Variants in FAM135B observed in about 807,000 individuals in gnomAD.
The protein encoded by FAM135B is family with sequence similarity 135 member B, also known as protein FAM135B.
A neutral mutation model predicts 127.7 loss-of-function variants in FAM135B; 43 were observed. That is an observed-to-expected ratio of 0.34 (90% CI 0.26 to 0.43). FAM135B has a LOEUF of 0.43. FAM135B is among the 20% of genes least tolerant of loss of function. The pLI is 1.00. For synonymous variants in FAM135B, 670 were observed against 665.1 expected, an observed-to-expected ratio of 1.01 and a Z score of -0.11; for missense variants, 1,558 against 1,725.6, an observed-to-expected ratio of 0.90 and a Z score of 1.72.
Position 138,222,616 on chromosome 8 carries a change from T to G in FAM135B, c.669+20326A>C, listed in dbSNP as rs560613776. On this transcript the variant is annotated intron_variant, in intron 7 of 19. Transcript: ENST00000395297. ...CAAAGACAAAAGCTAGTAAGTAGAA[T>G]AGTTATATTTAGATGTGGTGGGGTT... Among the ~76,000 whole-genome samples, 74 of 151,686 alleles carry G rather than the reference T, an allele frequency of 4.9e-4. 1 individual carries two copies. The highest frequency in any genetic ancestry group is 1.2e-4 in the Non-Finnish European group (8 of 67,974).
Position 138,242,061 on chromosome 8 carries a change from G to C in FAM135B, c.669+881C>G, listed in dbSNP as rs1355114885. 6.6e-6 allele frequency among the ~76,000 whole-genome samples: 1 copy of C among 152,038 alleles called. No individual in the cohort carries two copies. The highest frequency in any genetic ancestry group is 1.5e-5 in the Non-Finnish European group (1 of 68,020). On this transcript the variant is annotated intron_variant, in intron 7 of 19. Transcript: ENST00000395297. The surrounding 1 kb of genome is among the most constrained non-coding windows in gnomAD (Gnocchi z 9.6). ...TTCTGAGGCCTTTAGCCTTGGACTG[G>C]AATGATACCACCTGCACTCTTGGGT...
chr8:138,267,748 T>A (rs77224030), intron 3 of FAM135B, among the ~76,000 whole-genome samples: 3,431 of 152,282 alleles, frequency 0.023, 134 homozygotes, highest in African/African-American at 0.078. Context: ...ATACAAAATA[T>A]GTAAAATGCC....
chr8:138,487,339 C>T (rs936162303), intron 1 of FAM135B, among the ~76,000 whole-genome samples: 4 of 152,102 alleles, frequency 2.6e-5, no homozygotes, highest in African/African-American at 9.7e-5. Flanking sequence ...TCCCGCCAGC[C>T]CCCATGGGAC....
chr8:138,140,866 G>A (rs1301632077), intron 17 of FAM135B, among the ~76,000 whole-genome samples: 1 of 152,118 alleles, frequency 6.6e-6, no homozygotes, highest in Non-Finnish European at 1.5e-5. Context: ...CTTAACCACA[G>A]GTTTGTCATG....
chr8:138,418,391 T>G (rs1385397913), intron 1 of FAM135B, among the ~76,000 whole-genome samples: 2 of 151,958 alleles, frequency 1.3e-5, no homozygotes, highest in East Asian at 1.9e-4. Context: ...TCCATAAAAT[T>G]TCCCCAACCT....
intron 4 of FAM135B, among the ~76,000 whole-genome samples, chr8:138,261,857 A>G (rs1822561202): frequency 6.6e-6 from 1 of 152,218 alleles, no homozygotes; most frequent in African/African-American, 2.4e-5. Flanking sequence ...AATGATGTCT[A>G]TGTGCATCCG....
chr8:138,283,732 T>C (rs561518328), intron 3 of FAM135B, among the ~76,000 whole-genome samples: 1 of 152,220 alleles, frequency 6.6e-6, no homozygotes, highest in Admixed American at 6.5e-5. Flanking sequence ...ACAAAGGTAT[T>C]TCTGCACCAC....
chr8:138,282,551 A>G (rs753510919), intron 3 of FAM135B, among the ~76,000 whole-genome samples: 16 of 152,252 alleles, frequency 1.1e-4, no homozygotes, highest in Non-Finnish European at 1.9e-4. Context: ...AAGAAGATAC[A>G]GGAATGGCAA....
Position 138,145,669 on chromosome 8 carries a change from A to C in FAM135B, c.3540+290T>G, listed in dbSNP as rs1263420888. On this transcript the variant is annotated intron_variant, in intron 15 of 19. Transcript: ENST00000395297. ...GCAGAACTGAGCGCCAACAGTTAGGAAGGGAGTCATTATCCAAATAATTGA... is the reference window on the plus strand; with the variant it reads ...GCAGAACTGAGCGCCAACAGTTAGGCAGGGAGTCATTATCCAAATAATTGA... 2.0e-5 allele frequency among the ~76,000 whole-genome samples: 3 copies of C among 152,228 alleles called. No homozygotes were observed. The East Asian group carries it at 5.8e-4, about 29-fold the overall frequency.
chr8:138,178,739 C>T (rs2130985197), intron 9 of FAM135B, 49 bp from the exon 10 acceptor site: 4 of 1,569,088 alleles, frequency 2.5e-6, no homozygotes, highest in Non-Finnish European at 3.5e-6. Flanking sequence ...TCCATGAAGT[C>T]AGGAGCAGTC....
chr8:138,251,395 C>T (rs1821685714), intron 5 of FAM135B, among the ~76,000 whole-genome samples: 2 of 152,182 alleles, frequency 1.3e-5, no homozygotes, highest in Admixed American at 1.3e-4. Flanking sequence ...CCAGTGCTCT[C>T]CTCATAACGC....
At chr8:138,223,705 G>A (rs1228135390) in intron 7 of FAM135B, among the ~76,000 whole-genome samples, 3 of 152,154 alleles carry the variant, frequency 2.0e-5, no homozygotes, top group Non-Finnish European at 4.4e-5. Flanking sequence ...TCAGAGCATT[G>A]TGCACTAGTA....
chr8:138,431,662 A>G (rs1835192738), intron 1 of FAM135B, among the ~76,000 whole-genome samples: 1 of 152,220 alleles, frequency 6.6e-6, no homozygotes, highest in Non-Finnish European at 1.5e-5. Flanking sequence ...GTTTTAAACA[A>G]TAGAGAAATG....
At chr8:138,289,895 A>G (rs1291555262) in intron 3 of FAM135B, among the ~76,000 whole-genome samples, 2 of 152,180 alleles carry the variant, frequency 1.3e-5, no homozygotes, top group Non-Finnish European at 2.9e-5. Context: ...GTGGCAACAC[A>G]CCCAGTGGCA....
chr8:138,217,661 G>A (rs1818671902), intron 7 of FAM135B, among the ~76,000 whole-genome samples: 1 of 152,066 alleles, frequency 6.6e-6, no homozygotes, highest in South Asian at 2.1e-4. Flanking sequence ...TCAATCTCCT[G>A]ACCTTGTGAT....
chr8:138,399,427 A>C (rs1429675740), intron 1 of FAM135B, among the ~76,000 whole-genome samples: 2 of 152,134 alleles, frequency 1.3e-5, no homozygotes, highest in African/African-American at 4.8e-5. Flanking sequence ...TTCCTACCAA[A>C]ATAAGTGGTT....
chr8:138,194,031 A>AC, intron 9 of FAM135B, among the ~76,000 whole-genome samples: 1 of 152,126 alleles, frequency 6.6e-6, no homozygotes, highest in South Asian at 2.1e-4. Context: ...GCTCATCCAC[A>AC]CACCGTCAAT....
intron 1 of FAM135B, among the ~76,000 whole-genome samples, chr8:138,420,608 A>G (rs1834436539): frequency 6.6e-6 from 1 of 152,178 alleles, no homozygotes; most frequent in African/African-American, 2.4e-5. Flanking sequence ...CTCCTACCAA[A>G]TCAAATCCAC....
intron 1 of FAM135B, among the ~76,000 whole-genome samples, chr8:138,423,366 A>G (rs1307581624): frequency 6.6e-6 from 1 of 152,194 alleles, no homozygotes; most frequent in Admixed American, 6.5e-5. Context: ...GATATTTCAC[A>G]TGGGTTCTTT....
Sources: gnomAD v4.1 joint callset for allele counts (sites outside exome capture counted in the v4.1 genomes callset) on GRCh38, gnomAD v4.1.1 for gene constraint, Gnocchi (gnomAD v3.1) non-coding constraint, MANE v1.5 for transcripts, NCBI Gene and HGNC (gene_info 2026-07-23, HGNC 2026-07-21) for gene names.